Variants in NEMP2 observed in about 807,000 individuals in gnomAD.
NEMP2 encodes UPF0571 transmembrane protein.
In NEMP2, 53 loss-of-function variants were observed where a neutral mutation model predicts 54.2. That is an observed-to-expected ratio of 0.98 (90% confidence interval 0.78 to 1.23). NEMP2 has a LOEUF of 1.23. NEMP2 is among the 50% of genes most tolerant of loss of function. The pLI is 0.00. For missense variants in NEMP2, 455 were observed against 511.3 expected, an observed-to-expected ratio of 0.89 and a Z score of 1.06; for synonymous variants, 197 against 190.3, an observed-to-expected ratio of 1.04 and a Z score of -0.29.
the NEMP2 span, among the ~76,000 whole-genome samples, chr2:190,540,231 A>G: frequency 2.0e-5 from 3 of 151,666 alleles, no homozygotes; most frequent in South Asian, 2.1e-4. Flanking sequence ...ATTGATTTGC[A>G]TATGTCGAAC....
chr2:190,544,382 A>C, the NEMP2 span, among the ~76,000 whole-genome samples: 1 of 152,186 alleles, frequency 6.6e-6, no homozygotes, highest in Admixed American at 6.5e-5. Context: ...TTTATTAAGA[A>C]AAAGGTAATA....
the NEMP2 span, among the ~76,000 whole-genome samples, chr2:190,457,539 A>C: frequency 6.6e-6 from 1 of 152,204 alleles, no homozygotes; most frequent in Admixed American, 6.5e-5. The surrounding 1 kb of genome is among the most constrained non-coding windows in gnomAD (Gnocchi z 5.1). Context: ...GCTGGGATCT[A>C]CATAGAGAAT....
the NEMP2 span, among the ~76,000 whole-genome samples, chr2:190,618,404 C>T: frequency 6.6e-6 from 1 of 152,116 alleles, no homozygotes; most frequent in African/African-American, 2.4e-5. Flanking sequence ...TTATGAGAAA[C>T]ACCTAAACTC....
chr2:190,597,406 G>T, the NEMP2 span, among the ~76,000 whole-genome samples: 1 of 152,024 alleles, frequency 6.6e-6, no homozygotes, highest in Admixed American at 6.6e-5. This position sits in a 1 kb window ranked among gnomAD's most constrained non-coding sequence, Gnocchi z 4.7. Flanking sequence ...TGTACTTTTG[G>T]CTGAAGTCTC....
At chr2:190,489,847 A>G in the NEMP2 span, 1 of 1,614,120 alleles carries the variant, frequency 6.2e-7, no homozygotes, top group Non-Finnish European at 8.5e-7. This position sits in a 1 kb window ranked among gnomAD's most constrained non-coding sequence, Gnocchi z 6.6. Flanking sequence ...AGTGGCTGGC[A>G]GTGCCAGATG....
intron 1 of NEMP2, among the ~76,000 whole-genome samples, chr2:190,526,005 G>A (rs568968505): frequency 6.6e-6 from 1 of 152,214 alleles, no homozygotes; most frequent in East Asian, 1.9e-4. Flanking sequence ...ACACTCAAAA[G>A]GATTTAACTG....
chr2:190,504,334 A>C (rs1260121965), downstream of NEMP2: 1 of 152,124 alleles, frequency 6.6e-6, no homozygotes, highest in Non-Finnish European at 1.5e-5. This position sits in a 1 kb window ranked among gnomAD's most constrained non-coding sequence, Gnocchi z 5.6. Context: ...TTCCCCAACC[A>C]GGGTCTAGTT....
At chr2:190,608,759 G>C in the NEMP2 span, 2 of 152,190 alleles carry the variant, frequency 1.3e-5, no homozygotes, top group Non-Finnish European at 2.9e-5. This position sits in a 1 kb window ranked among gnomAD's most constrained non-coding sequence, Gnocchi z 4.9. Context: ...CAGGAATACA[G>C]AACAATGGGA....
chr2:190,569,545 C>T, the NEMP2 span, among the ~76,000 whole-genome samples: 1 of 152,174 alleles, frequency 6.6e-6, no homozygotes, highest in African/African-American at 2.4e-5. Context: ...TGAGAGAACA[C>T]ATTTGGAAGC....
chr2:190,505,687 G>A lies in NEMP2; in HGVS notation c.*3502C>T. ...AAAAGATAATCCAACTCCTAGGCCA[G>A]AGAAAGACTAAAGATTTTAACACAT... On this transcript the variant is annotated 3_prime_UTR_variant, in exon 9 of 9. Coordinates refer to ENST00000409150, the MANE Select transcript of NEMP2 (RefSeq NM_001142645.2). This position sits in a 1 kb window ranked among gnomAD's most constrained non-coding sequence, Gnocchi z 5.8. 6.6e-6 allele frequency: 1 copy of A among 152,166 alleles called. No homozygotes were observed. Among genetic ancestry groups the A allele is most frequent in the Non-Finnish European group, 1.5e-5 (1 of 68,026 alleles). The allele number at this position is 152,166 out of a possible 1,614,324, so 9.4% of individuals were successfully genotyped here.
At chr2:190,594,767 A>G in the NEMP2 span, among the ~76,000 whole-genome samples, 4 of 152,190 alleles carry the variant, frequency 2.6e-5, no homozygotes, top group African/African-American at 9.6e-5. This position sits in a 1 kb window ranked among gnomAD's most constrained non-coding sequence, Gnocchi z 5.6. Context: ...AGTTAGCTGC[A>G]AATCCCAGTA....
the NEMP2 span, among the ~76,000 whole-genome samples, chr2:190,615,637 C>G: frequency 6.6e-6 from 1 of 152,214 alleles, no homozygotes. This position sits in a 1 kb window ranked among gnomAD's most constrained non-coding sequence, Gnocchi z 4.7. Flanking sequence ...ATCCTCTCCC[C>G]TCCCGAGAGA....
chr2:190,507,864 C>T lies in NEMP2; in HGVS notation c.*1325G>A, dbSNP rs952625614. 1.3e-5 allele frequency: 2 copies of T among 152,104 alleles called. No homozygotes were observed. The highest frequency in any genetic ancestry group is 4.8e-5 in the African/African-American group (2 of 41,418). 9.4% of individuals were successfully genotyped at this position (152,104 alleles called of 1,614,324 possible). On this transcript the variant is annotated 3_prime_UTR_variant, in exon 9 of 9. Coordinates refer to ENST00000409150, the MANE Select transcript of NEMP2 (RefSeq NM_001142645.2). The surrounding 1 kb of genome is among the most constrained non-coding windows in gnomAD (Gnocchi z 4.4). ...CTATCCTTCGCCCATAACCTTTGTCCTGATAAAAAGATTATTTTTATGATC... is the reference window on the plus strand; with the variant it reads ...CTATCCTTCGCCCATAACCTTTGTCTTGATAAAAAGATTATTTTTATGATC...
At chr2:190,622,101 A>G in the NEMP2 span, among the ~76,000 whole-genome samples, 1 of 151,992 alleles carries the variant, frequency 6.6e-6, no homozygotes, top group Non-Finnish European at 1.5e-5. Flanking sequence ...TCTCAAAAAT[A>G]AATAAATAAA....
At chr2:190,440,207 C>T in the NEMP2 span, among the ~76,000 whole-genome samples, 1 of 152,110 alleles carries the variant, frequency 6.6e-6, no homozygotes, top group East Asian at 1.9e-4. Context: ...AAGATTCATA[C>T]CAGAAAATAG....
the NEMP2 span, among the ~76,000 whole-genome samples, chr2:190,548,250 T>G: frequency 6.6e-6 from 1 of 152,182 alleles, no homozygotes; most frequent in Non-Finnish European, 1.5e-5. Context: ...TAAAGATAAT[T>G]TGCCTAACAC....
chr2:190,429,619 A>G, the NEMP2 span, among the ~76,000 whole-genome samples: 1 of 152,116 alleles, frequency 6.6e-6, no homozygotes, highest in Non-Finnish European at 1.5e-5. Context: ...CTAGCCAGAA[A>G]TTCTTAATTT....
chr2:190,478,322 T>G, the NEMP2 span, among the ~76,000 whole-genome samples: 1 of 152,166 alleles, frequency 6.6e-6, no homozygotes, highest in African/African-American at 2.4e-5. Flanking sequence ...TTGTTTCTAA[T>G]GCTGGAGGAG....
the NEMP2 span, among the ~76,000 whole-genome samples, chr2:190,591,901 A>C: frequency 6.6e-6 from 1 of 152,242 alleles, no homozygotes; most frequent in Non-Finnish European, 1.5e-5. The surrounding 1 kb of genome is among the most constrained non-coding windows in gnomAD (Gnocchi z 5.4). Flanking sequence ...ATGTTTGCCC[A>C]TGAAAAACTA....
Sources: allele counts gnomAD v4.1 joint callset (sites outside exome capture counted in the v4.1 genomes callset), GRCh38; gene constraint gnomAD v4.1.1; non-coding constraint Gnocchi (gnomAD v3.1); transcripts MANE v1.5; gene names NCBI Gene and HGNC (gene_info 2026-07-23, HGNC 2026-07-21).